EXT1: variants seen among roughly 807,000 people sequenced by gnomAD.
EXT1 encodes the protein exostosin glycosyltransferase 1, also known as exostosin-1.
In EXT1, 20 loss-of-function variants were observed where a neutral mutation model predicts 82.5. The observed-to-expected ratio is 0.24, with a 90% CI of 0.17 to 0.35. The LOEUF is 0.35. Ranked by LOEUF, EXT1 falls within the 10% of genes least tolerant of loss-of-function variation. The pLI is 1.00. For missense variants in EXT1, 757 were observed against 936.5 expected, an observed-to-expected ratio of 0.81 and a Z score of 2.50; for synonymous variants, 348 against 350.8, an observed-to-expected ratio of 0.99 and a Z score of 0.09.
intron 1 of EXT1, among the ~76,000 whole-genome samples, chr8:117,865,776 A>G (rs1252227405): frequency 6.6e-6 from 1 of 152,236 alleles, no homozygotes; most frequent in Non-Finnish European, 1.5e-5. Context: ...CTAGAAATGC[A>G]TCTAGGTTGA....
chr8:118,029,725 A>G (rs186415658), intron 1 of EXT1, among the ~76,000 whole-genome samples: 1 of 152,328 alleles, frequency 6.6e-6, no homozygotes, highest in East Asian at 1.9e-4. Context: ...TGATAGGCCA[A>G]TAATGTCAAA....
At chr8:117,807,586 G>T (rs938297585) in intron 8 of EXT1, among the ~76,000 whole-genome samples, 6 of 152,160 alleles carry the variant, frequency 3.9e-5, no homozygotes, top group Non-Finnish European at 8.8e-5. Context: ...AGAAACTTCA[G>T]AGTAGTATGG....
At chr8:118,008,463 G>A (rs1815827170) in intron 1 of EXT1, among the ~76,000 whole-genome samples, 1 of 152,022 alleles carries the variant, frequency 6.6e-6, no homozygotes, top group South Asian at 2.1e-4. Flanking sequence ...GTTTCAGCAG[G>A]TTGGCCAGGC....
At chr8:117,975,288 G>A (rs1387949954) in intron 1 of EXT1, among the ~76,000 whole-genome samples, 1 of 152,194 alleles carries the variant, frequency 6.6e-6, no homozygotes, top group Admixed American at 6.5e-5. Flanking sequence ...ATTTTCTGGT[G>A]TGGTTTGAAA....
chr8:117,968,526 CTTATTTATTTATTTAT>C (rs1250006319), intron 1 of EXT1, among the ~76,000 whole-genome samples: 2 of 37,066 alleles, frequency 5.4e-5, no homozygotes, highest in Non-Finnish European at 7.9e-5. Context: ...CTTATTCTGC[CTTATTTATTTATTTAT>C]TTATTTATTT....
chr8:117,989,729 G>A (rs997522326), intron 1 of EXT1, among the ~76,000 whole-genome samples: 3 of 152,172 alleles, frequency 2.0e-5, no homozygotes, highest in African/African-American at 2.4e-5. Flanking sequence ...ATCCATCTGG[G>A]CGAGATGTTA....
At chr8:117,812,362 T>A (rs541509963) in intron 8 of EXT1, among the ~76,000 whole-genome samples, 5 of 152,172 alleles carry the variant, frequency 3.3e-5, no homozygotes, top group Non-Finnish European at 5.9e-5. Context: ...CATCACAACC[T>A]TGAAGTGAAA....
At chr8:118,081,201 C>T in intron 1 of EXT1, among the ~76,000 whole-genome samples, 1 of 152,174 alleles carries the variant, frequency 6.6e-6, no homozygotes, top group East Asian at 1.9e-4. Context: ...CCACTAACCT[C>T]AACCATTTCC....
intron 1 of EXT1, among the ~76,000 whole-genome samples, chr8:117,854,463 TAC>T (rs761785254): frequency 6.6e-6 from 1 of 151,586 alleles, no homozygotes; most frequent in South Asian, 2.1e-4. Flanking sequence ...CACACACACA[TAC>T]ACACACACAC....
intron 1 of EXT1, among the ~76,000 whole-genome samples, chr8:118,010,948 G>C (rs561349688): frequency 1.3e-5 from 2 of 152,162 alleles, no homozygotes; most frequent in Non-Finnish European, 2.9e-5. Context: ...ATTCAACTCT[G>C]TTCAGTAATA....
chr8:118,063,107 T>C (rs1341333727), intron 1 of EXT1, among the ~76,000 whole-genome samples: 4 of 152,222 alleles, frequency 2.6e-5, no homozygotes, highest in Non-Finnish European at 4.4e-5. Context: ...TGAGTTACTT[T>C]TAAAACTTGT....
chr8:117,900,411 G>A (rs1013053233), intron 1 of EXT1, among the ~76,000 whole-genome samples: 5 of 152,186 alleles, frequency 3.3e-5, no homozygotes, highest in African/African-American at 7.2e-5. Context: ...GTCTGCCAGA[G>A]AACACCTGGG....
chr8:117,996,502 T>C (rs1190510442), intron 1 of EXT1, among the ~76,000 whole-genome samples: 1 of 152,220 alleles, frequency 6.6e-6, no homozygotes, highest in African/African-American at 2.4e-5. Context: ...CAGATGATTT[T>C]AGCCACAGCC....
chr8:117,959,876 A>G (rs969959541), intron 1 of EXT1, among the ~76,000 whole-genome samples: 2 of 152,178 alleles, frequency 1.3e-5, no homozygotes, highest in Non-Finnish European at 2.9e-5. Context: ...TTGTGACTTC[A>G]CAGAGTTGTC....
At position 117,933,236 on chromosome 8, in the gene EXT1, A is replaced by AT. The variant is rs34159778; in HGVS notation, c.963-96036dup. Among the ~76,000 whole-genome samples the AT allele has an allele frequency of 9.6e-3, 1,279 of 133,256 alleles. 10 individuals are homozygous for AT. The highest frequency in any genetic ancestry group is 0.017 in the African/African-American group (609 of 35,982). The allele number at this position is 133,256 out of a possible 152,430, so 87.4% of individuals were successfully genotyped here. The stretch of plus-strand genomic sequence containing the variant: ...ATCACTCTCAGATGTTCTGCTGGGT[A>AT]TTTTTTTTTTTTTTTTTTTGGTTTA... On this transcript the variant is annotated intron_variant, in intron 1 of 10. Coordinates refer to ENST00000378204, the MANE Select transcript of EXT1 (RefSeq NM_000127.3).
intron 1 of EXT1, among the ~76,000 whole-genome samples, chr8:118,105,749 G>A (rs1042890118): frequency 7.9e-5 from 12 of 152,082 alleles, no homozygotes; most frequent in African/African-American, 1.9e-4. Context: ...TTTAAAACCC[G>A]AGAATCTCAA....
chr8:117,856,422 A>ATTTT (rs951647677), intron 1 of EXT1, among the ~76,000 whole-genome samples: 4 of 83,762 alleles, frequency 4.8e-5, no homozygotes, highest in African/African-American at 1.0e-4. Context: ...GCCTGGCTAA[A>ATTTT]TTTTTTTTTT....
rs1284101163 is a variant in EXT1 at position 118,003,444 on chromosome 8, C to CT, written c.962+106640dup. On this transcript the variant is annotated intron_variant, in intron 1 of 10. Transcript: ENST00000378204. ...AAAAGAAATTAGATTTTTCTAATTCCTGGCACCATTAGAACTTTCTGTATA... is the reference window on the plus strand; with the variant it reads ...AAAAGAAATTAGATTTTTCTAATTCCTTGGCACCATTAGAACTTTCTGTATA... Among the ~76,000 whole-genome samples, 9 of 151,902 alleles carry CT rather than the reference C, an allele frequency of 5.9e-5. 1 individual carries two copies.
intron 1 of EXT1, among the ~76,000 whole-genome samples, chr8:117,997,401 T>A (rs1168786263): frequency 1.3e-5 from 2 of 151,568 alleles, no homozygotes; most frequent in East Asian, 3.9e-4. Context: ...GATGGATGTA[T>A]ATTTAGAGTT....
Sources: gnomAD v4.1 joint callset for allele counts (sites outside exome capture counted in the v4.1 genomes callset) on GRCh38, gnomAD v4.1.1 for gene constraint, MANE v1.5 for transcripts, NCBI Gene and HGNC (gene_info 2026-07-23, HGNC 2026-07-21) for gene names.